Variants in PIK3C2G observed in about 807,000 individuals in gnomAD.
The protein encoded by PIK3C2G is phosphatidylinositol 3-kinase C2 domain-containing subunit gamma.
In PIK3C2G, 168 loss-of-function variants were observed where a neutral mutation model predicts 181.1. That is an observed-to-expected ratio of 0.93 (90% confidence interval 0.82 to 1.05). The LOEUF (loss-of-function observed/expected upper bound fraction) is 1.05, where lower values mean the gene tolerates loss of function less well. Among genes scored for constraint, PIK3C2G ranks in the 50% least tolerant of loss-of-function variants. PIK3C2G has a pLI of 0.00. For missense variants in PIK3C2G, 1,869 were observed against 1,732.8 expected (o/e 1.08, Z -1.40); for synonymous variants, 573 against 592.2 (o/e 0.97, Z 0.47).
the PIK3C2G span, among the ~76,000 whole-genome samples, chr12:18,724,914 A>G: frequency 6.6e-6 from 1 of 152,156 alleles, no homozygotes; most frequent in Non-Finnish European, 1.5e-5. Flanking sequence ...TCACTGAATA[A>G]TGACAGTTTT....
chr12:18,463,706 T>C (rs1185529068), intron 18 of PIK3C2G, among the ~76,000 whole-genome samples: 1 of 152,168 alleles, frequency 6.6e-6, no homozygotes, highest in African/African-American at 2.4e-5. Context: ...GCATAGAATG[T>C]AAGAAATGGG....
intron 8 of PIK3C2G, among the ~76,000 whole-genome samples, chr12:18,330,908 T>C (rs1439571314): frequency 1.3e-5 from 2 of 152,228 alleles, no homozygotes; most frequent in African/African-American, 4.8e-5. Flanking sequence ...TTTTAATCTT[T>C]GTGAAGTCCA....
chr12:18,480,074 G>A lies in PIK3C2G; in HGVS notation c.2505-8375G>A, dbSNP rs569511466. ...GTTTTTGACAAAGGAGAAGTGGCTG[G>A]AGCCAAGGCTTTCTTGGGGATCAGG... On this transcript the variant is annotated intron_variant, in intron 18 of 32. Transcript: ENST00000538779. Among the ~76,000 whole-genome samples the A allele has an allele frequency of 2.0e-5, 3 of 152,276 alleles. No individual in the cohort carries two copies. In the East Asian group the frequency reaches 5.8e-4, roughly 29 times the overall value.
chr12:18,294,365 T>G (rs1949845430), intron 5 of PIK3C2G, among the ~76,000 whole-genome samples: 1 of 152,050 alleles, frequency 6.6e-6, no homozygotes, highest in African/African-American at 2.4e-5. Flanking sequence ...TAATAAAGCT[T>G]ATTAGAACTG....
intron 31 of PIK3C2G, among the ~76,000 whole-genome samples, chr12:18,637,348 G>A (rs997930521): frequency 6.6e-5 from 10 of 151,358 alleles, no homozygotes; most frequent in East Asian, 1.9e-4. Context: ...TTGAGAGGCC[G>A]TAACTCTCTG....
intron 1 of PIK3C2G, among the ~76,000 whole-genome samples, chr12:18,273,871 T>G (rs1413045398): frequency 6.6e-6 from 1 of 152,036 alleles, no homozygotes; most frequent in Non-Finnish European, 1.5e-5. Flanking sequence ...ACAGGCAACC[T>G]ACAGAATGGG....
At chr12:18,601,899 G>T (rs749910117) in intron 30 of PIK3C2G, among the ~76,000 whole-genome samples, 2 of 152,100 alleles carry the variant, frequency 1.3e-5, no homozygotes, top group East Asian at 3.9e-4. Context: ...AGCTCGCTGG[G>T]TCCCCAAGCA....
At chr12:18,326,155 A>G (rs1228380815) in intron 8 of PIK3C2G, among the ~76,000 whole-genome samples, 2 of 152,180 alleles carry the variant, frequency 1.3e-5, no homozygotes, top group Non-Finnish European at 2.9e-5. Flanking sequence ...TCAATTCACT[A>G]TAATAGTGAA....
At chr12:18,391,014 A>G in intron 14 of PIK3C2G, 108 bp from the exon 15 acceptor site, 1 of 693,608 alleles carries the variant, frequency 1.4e-6, no homozygotes, top group Non-Finnish European at 2.1e-6. Context: ...CAGAAAAAAT[A>G]GAATTTATTC....
intron 14 of PIK3C2G, among the ~76,000 whole-genome samples, chr12:18,389,278 G>A (rs373095280): frequency 4.6e-5 from 7 of 152,038 alleles, no homozygotes; most frequent in South Asian, 2.1e-4. Context: ...GCGTGAACCC[G>A]GCAGGTGGAG....
the PIK3C2G span, among the ~76,000 whole-genome samples, chr12:18,679,006 T>C: frequency 6.6e-6 from 1 of 152,040 alleles, no homozygotes; most frequent in Non-Finnish European, 1.5e-5. Flanking sequence ...TTTGGTGTGG[T>C]CATTTGTGTT....
chr12:18,616,428 T>A (rs112991968), intron 31 of PIK3C2G, among the ~76,000 whole-genome samples: 4 of 152,154 alleles, frequency 2.6e-5, no homozygotes, highest in African/African-American at 7.2e-5. Flanking sequence ...ATAGCTTTTA[T>A]CTGTGAATTC....
At chr12:18,640,192 A>T (rs1406121460) in intron 31 of PIK3C2G, among the ~76,000 whole-genome samples, 1 of 152,052 alleles carries the variant, frequency 6.6e-6, no homozygotes, top group Non-Finnish European at 1.5e-5. Flanking sequence ...AATGGACTTT[A>T]AATGTAGTTC....
intron 26 of PIK3C2G, among the ~76,000 whole-genome samples, chr12:18,561,614 G>A: frequency 6.6e-6 from 1 of 151,938 alleles, no homozygotes. Flanking sequence ...GGAACGAACA[G>A]TATGAAAAAA....
chr12:18,509,530 A>G (rs1942076415), intron 24 of PIK3C2G, among the ~76,000 whole-genome samples: 1 of 152,208 alleles, frequency 6.6e-6, no homozygotes, highest in South Asian at 2.1e-4. Flanking sequence ...TCTTTAGGAT[A>G]TGTTACAGAC....
At chr12:18,545,825 A>G (rs1944393559) in intron 25 of PIK3C2G, among the ~76,000 whole-genome samples, 1 of 151,908 alleles carries the variant, frequency 6.6e-6, no homozygotes, top group Non-Finnish European at 1.5e-5. Context: ...TGGACATATC[A>G]CTTACAGTTT....
chr12:18,617,895 T>C (rs1010205264), intron 31 of PIK3C2G, among the ~76,000 whole-genome samples: 2 of 152,202 alleles, frequency 1.3e-5, no homozygotes, highest in Non-Finnish European at 2.9e-5. Context: ...TAGGCTATTA[T>C]GTATGTGCTG....
intron 30 of PIK3C2G, among the ~76,000 whole-genome samples, chr12:18,606,977 C>T (rs1948060936): frequency 6.6e-6 from 1 of 151,920 alleles, no homozygotes; most frequent in South Asian, 2.1e-4. Flanking sequence ...GTTTAATGTG[C>T]ACATTATGGA....
At chr12:18,251,881 C>G (rs954958127) in intron 1 of PIK3C2G, among the ~76,000 whole-genome samples, 1 of 151,984 alleles carries the variant, frequency 6.6e-6, no homozygotes, top group Non-Finnish European at 1.5e-5. Context: ...CAAAATTACA[C>G]GTGACACTTT....
Sources: gnomAD v4.1 joint callset for allele counts (sites outside exome capture counted in the v4.1 genomes callset) on GRCh38, gnomAD v4.1.1 for gene constraint, MANE v1.5 for transcripts, NCBI Gene and HGNC (gene_info 2026-07-23, HGNC 2026-07-21) for gene names.